The following PCDHA6 variants were observed in gnomAD, a reference collection of about 807,000 sequenced individuals.
PCDHA6 encodes protocadherin alpha-6.
A neutral mutation model predicts 60.3 loss-of-function variants in PCDHA6; 55 were observed. The ratio of observed to expected loss-of-function variants is 0.91; its 90% CI spans 0.73 to 1.14. The LOEUF is 1.14. Among genes scored for constraint, PCDHA6 ranks in the 50% most tolerant of loss-of-function variants. PCDHA6 has a pLI of 0.00. For synonymous variants in PCDHA6, 652 were observed against 557.9 expected (o/e 1.17, Z -2.38); for missense variants, 1,327 against 1,256.5 (o/e 1.06, Z -0.85).
chr5:140,829,378 CG>C lies in PCDHA6; in HGVS notation c.1292del (p.Gly431AlafsTer18), dbSNP rs2150166771. The C allele has an allele frequency of 6.2e-7, 1 of 1,614,062 alleles. No homozygotes were observed. Among genetic ancestry groups the C allele is most frequent in the Non-Finnish European group, 8.5e-7 (1 of 1,180,058 alleles). On this transcript the variant is annotated frameshift_variant, in exon 1 of 4. Transcript: ENST00000529310. LOFTEE classifies it high-confidence loss of function. ...ATGAGTTGGTGGTAACCGCGCGGGA[CG>C]GGGGCTCGCCTTCGCTGTGGGCCAC... is the stretch of plus-strand genomic sequence containing the variant. ...AYELVVTARD[G>X]GSPSLWATAS... is the part of the protein sequence containing the mutation.
chr5:140,872,320 A>G (rs1409087290), intron 1 of PCDHA6, among the ~76,000 whole-genome samples: 1 of 152,166 alleles, frequency 6.6e-6, no homozygotes, highest in Admixed American at 6.5e-5. Context: ...TATGGAAATA[A>G]TATGACTAAA....
intron 1 of PCDHA6, chr5:140,871,192 G>A (rs1582019516): frequency 6.2e-7 from 1 of 1,613,668 alleles, no homozygotes; most frequent in South Asian, 1.1e-5. Context: ...GGATGTCAAC[G>A]TGTACCTGAT....
chr5:140,877,590 G>A (rs996962116), intron 1 of PCDHA6: 20 of 1,613,708 alleles, frequency 1.2e-5, no homozygotes, highest in Admixed American at 1.7e-5. Flanking sequence ...CCATCTGTGC[G>A]GTGTCCAGCC....
chr5:140,857,392 C>G (rs142727326), intron 1 of PCDHA6: 2 of 1,598,470 alleles, frequency 1.3e-6, no homozygotes, highest in African/African-American at 1.3e-5. Flanking sequence ...CCGACGTGAA[C>G]GACAACGCGC....
chr5:140,828,292 C>A lies in PCDHA6; in HGVS notation c.201C>A (p.Ala67=). The change falls in exon 1 of 4, where the codon GCC becomes GCA. Residue 67 remains alanine, a synonymous_variant. Transcript: ENST00000529310. The part of the protein sequence containing the change: ...AELVPRLFRM[A]SKDREDLLEV... Reference sequence around the variant, plus strand: ...TGGTGCCGCGCCTGTTCAGGATGGCCTCCAAAGACCGCGAGGACCTTCTGG... The same window carrying A: ...TGGTGCCGCGCCTGTTCAGGATGGCATCCAAAGACCGCGAGGACCTTCTGG... 1.2e-6 allele frequency: 2 copies of A among 1,614,104 alleles called. No individual in the cohort carries two copies. The highest frequency in any genetic ancestry group is 1.7e-6 in the Non-Finnish European group (2 of 1,180,050).
At chr5:140,919,489 T>C (rs1554199092) in intron 1 of PCDHA6, among the ~76,000 whole-genome samples, 2 of 152,222 alleles carry the variant, frequency 1.3e-5, no homozygotes, top group African/African-American at 4.8e-5. Context: ...TTATGTTTGT[T>C]ATTTTACTCC....
At chr5:140,917,739 T>C (rs1554198287) in intron 1 of PCDHA6, among the ~76,000 whole-genome samples, 1 of 152,222 alleles carries the variant, frequency 6.6e-6, no homozygotes, top group African/African-American at 2.4e-5. Flanking sequence ...CTCTAACCTG[T>C]CCCATTGGTC....
intron 1 of PCDHA6, among the ~76,000 whole-genome samples, chr5:140,932,418 ATTG>A (rs1457931424): frequency 1.3e-5 from 2 of 151,928 alleles, no homozygotes; most frequent in African/African-American, 4.8e-5. Context: ...ATATTAGTGT[ATTG>A]TTCACCTGGA....
At position 140,858,665 on chromosome 5, in the gene PCDHA6, A is replaced by G. The variant is rs2045550518; in HGVS notation, c.2394+28180A>G. On this transcript the variant is annotated intron_variant, in intron 1 of 3. Transcript: ENST00000529310. ...GGTACTTAAATTTTTTTAAATAACAATTTATTCTGAATACACTAATATTTT... is the reference window on the plus strand; with the variant it reads ...GGTACTTAAATTTTTTTAAATAACAGTTTATTCTGAATACACTAATATTTT... 5.6e-6 allele frequency: 4 copies of G among 718,718 alleles called. 1 individual carries two copies. The highest frequency in any genetic ancestry group is 1.8e-5 in the African/African-American group (1 of 55,644). 44.5% of individuals were successfully genotyped at this position (718,718 alleles called of 1,614,324 possible).
At chr5:140,852,926 T>A in intron 1 of PCDHA6, 3 of 649,848 alleles carry the variant, frequency 4.6e-6, no homozygotes, top group Non-Finnish European at 5.9e-6. Flanking sequence ...TTGCCCAGGC[T>A]GGAGTGCAGT....
At chr5:140,922,316 A>G (rs983729529) in intron 1 of PCDHA6, among the ~76,000 whole-genome samples, 5 of 152,248 alleles carry the variant, frequency 3.3e-5, no homozygotes, top group Middle Eastern at 3.2e-3. Context: ...TTCACTGAAG[A>G]TCTTGGAAAG....
intron 1 of PCDHA6, among the ~76,000 whole-genome samples, chr5:140,976,227 T>C (rs2096706900): frequency 6.6e-6 from 1 of 152,050 alleles, no homozygotes; most frequent in East Asian, 1.9e-4. Context: ...AGAAGAAAAA[T>C]ATATGTCATT....
At chr5:140,870,992 T>C (rs782714479) in intron 1 of PCDHA6, 1 of 1,613,478 alleles carries the variant, frequency 6.2e-7, no homozygotes, top group South Asian at 1.1e-5. Context: ...ACGGGCGAGA[T>C]AAGCACAACG....
chr5:140,882,658 G>A (rs2059245402), intron 1 of PCDHA6: 3 of 1,614,148 alleles, frequency 1.9e-6, no homozygotes, highest in Middle Eastern at 1.7e-4. Context: ...ACGACAACCC[G>A]CCCATATTCC....
At position 141,009,666 on chromosome 5, in the gene PCDHA6, G is replaced by T; in HGVS notation, c.2582G>T (p.Gly861Val). Residue 861 changes from glycine to valine, a missense_variant, in exon 4 of 4, where the codon GGT becomes GTT. Physicochemically the swap from Gly to Val is moderately radical, Grantham distance 109. Coordinates refer to ENST00000529310, the MANE Select transcript of PCDHA6 (RefSeq NM_018909.4). ...GAAGTGTCCCCTCCAGTCGGTGCGG[G>T]TGTCAACAGCAACAGCTGGACCTTT... ...AGEVSPPVGAGVNSNSWTFKY... is the reference protein window; with the variant it reads ...AGEVSPPVGAVVNSNSWTFKY... The T allele has an allele frequency of 1.2e-6, 2 of 1,614,080 alleles. No individual in the cohort carries two copies. The highest frequency in any genetic ancestry group is 1.7e-6 in the Non-Finnish European group (2 of 1,180,022).
At chr5:140,987,643 A>G (rs1205279586) in intron 3 of PCDHA6, among the ~76,000 whole-genome samples, 1 of 152,232 alleles carries the variant, frequency 6.6e-6, no homozygotes, top group Non-Finnish European at 1.5e-5. Context: ...ATGCACACAT[A>G]TTGCAGAATC....
chr5:140,943,831 A>T (rs1051741610), intron 1 of PCDHA6, among the ~76,000 whole-genome samples: 2 of 152,214 alleles, frequency 1.3e-5, no homozygotes, highest in African/African-American at 4.8e-5. Flanking sequence ...GAGTTGATTG[A>T]AGTTGTAAGA....
intron 1 of PCDHA6, among the ~76,000 whole-genome samples, chr5:140,923,034 C>T (rs1252133915): frequency 6.6e-6 from 1 of 152,174 alleles, no homozygotes; most frequent in Non-Finnish European, 1.5e-5. Context: ...TCTATTACTA[C>T]ATGTATAGTA....
At chr5:140,870,070 G>T (rs1554163779) in intron 1 of PCDHA6, 1 of 1,613,880 alleles carries the variant, frequency 6.2e-7, no homozygotes, top group Admixed American at 1.7e-5. Flanking sequence ...ACAGGCTACA[G>T]ATAAGGGGAC....
Sources: gnomAD v4.1 joint callset for allele counts (sites outside exome capture counted in the v4.1 genomes callset) on GRCh38, gnomAD v4.1.1 for gene constraint, MANE v1.5 for transcripts, NCBI Gene and HGNC (gene_info 2026-07-23, HGNC 2026-07-21) for gene names.